The following DPP10 variants were observed in gnomAD, a reference collection of about 807,000 sequenced individuals.
The protein encoded by DPP10 is dipeptidyl peptidase like 10, also known as inactive dipeptidyl peptidase 10.
Under a neutral mutation model 120.9 loss-of-function variants are expected in DPP10, and 33 were observed. That is an observed-to-expected ratio of 0.27 (90% CI 0.21 to 0.37). DPP10 has a LOEUF of 0.37. DPP10 is among the 10% of genes least tolerant of loss of function. The pLI is 1.00. For synonymous variants in DPP10, 337 were observed against 326.1 expected, an observed-to-expected ratio of 1.03 and a Z score of -0.36; for missense variants, 816 against 942.8, an observed-to-expected ratio of 0.87 and a Z score of 1.76.
chr2:114,517,060 C>A (rs981434204), intron 1 of DPP10, among the ~76,000 whole-genome samples: 1 of 151,828 alleles, frequency 6.6e-6, no homozygotes, highest in Non-Finnish European at 1.5e-5. Flanking sequence ...TATTCTGTAT[C>A]CTTGGCATTG....
intron 1 of DPP10, among the ~76,000 whole-genome samples, chr2:114,457,225 C>T (rs191177067): frequency 4.7e-4 from 71 of 152,314 alleles, no homozygotes; most frequent in African/African-American, 1.5e-3. Context: ...CTTGCTCTAA[C>T]TTGGGATTTC....
intron 1 of DPP10, among the ~76,000 whole-genome samples, chr2:114,987,007 T>C (rs1700445336): frequency 6.6e-6 from 1 of 152,140 alleles, no homozygotes; most frequent in African/African-American, 2.4e-5. Context: ...CTCGAACTCC[T>C]GACCTCAAGT....
At chr2:115,589,360 T>G (rs1459193007) in intron 5 of DPP10, among the ~76,000 whole-genome samples, 1 of 152,172 alleles carries the variant, frequency 6.6e-6, no homozygotes, top group East Asian at 1.9e-4. Context: ...AGTAATGGCT[T>G]TAAAAGAGTT....
At chr2:114,923,670 G>C (rs1247734147) in intron 1 of DPP10, among the ~76,000 whole-genome samples, 1 of 147,902 alleles carries the variant, frequency 6.8e-6, no homozygotes, top group East Asian at 2.0e-4. Context: ...AGTAGAGATG[G>C]GGTTTCACTG....
At chr2:114,869,789 T>A (rs1344694849) in intron 1 of DPP10, among the ~76,000 whole-genome samples, 1 of 152,174 alleles carries the variant, frequency 6.6e-6, no homozygotes, top group Non-Finnish European at 1.5e-5. Context: ...AACTGCCTAG[T>A]TGCAACAAAC....
At chr2:114,604,466 C>G (rs556510884) in intron 1 of DPP10, among the ~76,000 whole-genome samples, 31 of 152,128 alleles carry the variant, frequency 2.0e-4, no homozygotes, top group African/African-American at 7.2e-4. Context: ...GGAGTTTTGC[C>G]CTGACCCATC....
intron 1 of DPP10, among the ~76,000 whole-genome samples, chr2:114,573,285 T>A (rs1689798088): frequency 6.6e-6 from 1 of 152,232 alleles, no homozygotes; most frequent in Non-Finnish European, 1.5e-5. Flanking sequence ...CACCTGGTTA[T>A]ATTTGTGTTT....
At chr2:115,013,080 C>T (rs564379681) in intron 1 of DPP10, among the ~76,000 whole-genome samples, 1 of 152,100 alleles carries the variant, frequency 6.6e-6, no homozygotes, top group East Asian at 1.9e-4. Flanking sequence ...GACGCAGTTT[C>T]TTCATAGTGT....
chr2:115,226,365 A>G (rs187693059), intron 1 of DPP10, among the ~76,000 whole-genome samples: 5 of 152,268 alleles, frequency 3.3e-5, no homozygotes, highest in Admixed American at 2.6e-4. Flanking sequence ...ATATATTTCT[A>G]CAAAGATGCT....
intron 1 of DPP10, among the ~76,000 whole-genome samples, chr2:114,817,297 C>T (rs1167989345): frequency 1.1e-5 from 1 of 93,860 alleles, no homozygotes. Flanking sequence ...CAGCCAGTGT[C>T]CTGGCCAAAA....
intron 17 of DPP10, among the ~76,000 whole-genome samples, chr2:115,789,958 ACAGACATAG>A (rs1683759258): frequency 6.6e-6 from 1 of 152,246 alleles, no homozygotes; most frequent in Non-Finnish European, 1.5e-5. Context: ...TCAGATTTCT[ACAGACATAG>A]ACTTGTATAT....
intron 1 of DPP10, among the ~76,000 whole-genome samples, chr2:114,757,528 A>T (rs1274212739): frequency 6.6e-6 from 1 of 152,166 alleles, no homozygotes; most frequent in African/African-American, 2.4e-5. Context: ...CCAGAGACCT[A>T]AGAGAAAGGG....
chr2:115,290,529 A>G (rs2060610735), intron 1 of DPP10, among the ~76,000 whole-genome samples: 1 of 152,136 alleles, frequency 6.6e-6, no homozygotes, highest in South Asian at 2.1e-4. Context: ...GAACATTTTC[A>G]TAATGAAATG....
chr2:115,700,322 GA>G (rs980441541), intron 7 of DPP10, among the ~76,000 whole-genome samples: 14 of 151,148 alleles, frequency 9.3e-5, no homozygotes, highest in Admixed American at 1.3e-4. Context: ...TGAAATTAAA[GA>G]AAAAAAACAC....
intron 1 of DPP10, among the ~76,000 whole-genome samples, chr2:114,962,719 G>C (rs1698736288): frequency 4.6e-5 from 7 of 152,138 alleles, no homozygotes; most frequent in Admixed American, 4.6e-4. Context: ...GCACCTATTA[G>C]CATAATCTAC....
intron 3 of DPP10, chr2:115,468,743 C>A: frequency 2.5e-6 from 1 of 398,076 alleles, no homozygotes; most frequent in Non-Finnish European, 4.8e-6. Flanking sequence ...GGATGAATGG[C>A]CTACTGTAGC....
chr2:115,316,557 G>GT (rs1553547672), intron 2 of DPP10, among the ~76,000 whole-genome samples: 1 of 152,096 alleles, frequency 6.6e-6, no homozygotes, highest in Non-Finnish European at 1.5e-5. Flanking sequence ...GTTGAAAATC[G>GT]TAAGTGTAAA....
rs1347807717 is a variant in DPP10, at chr2:115,424,768, A to G, written c.272-74742A>G. On this transcript the variant is annotated intron_variant, in intron 3 of 25. Transcript: ENST00000410059. ...TGGAACATAGGTAGCTGATACATCT[A>G]ATATTTAAGACCTCACCTTTACTTC... 2.0e-5 allele frequency among the ~76,000 whole-genome samples: 3 copies of G among 152,320 alleles called. No individual in the cohort carries two copies. The East Asian group carries it at 5.8e-4, about 29-fold the overall frequency.
intron 1 of DPP10, among the ~76,000 whole-genome samples, chr2:115,057,832 T>C (rs1303055544): frequency 6.6e-6 from 1 of 152,176 alleles, no homozygotes; most frequent in Non-Finnish European, 1.5e-5. Context: ...AGGAGTTATG[T>C]TGGTCCAATA....
Sources: gnomAD v4.1 joint callset for allele counts (sites outside exome capture counted in the v4.1 genomes callset) on GRCh38, gnomAD v4.1.1 for gene constraint, MANE v1.5 for transcripts, NCBI Gene and HGNC (gene_info 2026-07-23, HGNC 2026-07-21) for gene names.